PSTPIP1: variants seen among roughly 807,000 people sequenced by gnomAD.
PSTPIP1 encodes proline-serine-threonine phosphatase interacting protein 1.
PSTPIP1 carries 66 observed loss-of-function variants against 69.6 expected under a neutral mutation model. The ratio of observed to expected loss-of-function variants is 0.95; its 90% confidence interval spans 0.78 to 1.16. PSTPIP1 has a LOEUF of 1.16. Ranked by LOEUF, PSTPIP1 falls within the 50% of genes most tolerant of loss-of-function variation. PSTPIP1 has a pLI of 0.00. For synonymous variants in PSTPIP1, 266 were observed against 222.7 expected (o/e 1.19, Z -1.73); for missense variants, 603 against 557.4 (o/e 1.08, Z -0.82).
At position 77,035,508 on chromosome 15, in the gene PSTPIP1, G is replaced by T. The variant is rs1477089516; in HGVS notation, c.930G>T (p.Arg310Ser). 5 of 1,590,056 alleles carry T rather than the reference G, an allele frequency of 3.1e-6. No individual in the cohort carries two copies. Among genetic ancestry groups the T allele is most frequent in the African/African-American group, 2.7e-5 (2 of 74,302 alleles). The change falls in exon 13 of 15, where the codon AGG becomes AGT. Residue 310 changes from arginine (R) to serine (S), a missense_variant and splice_region_variant. Coordinates refer to ENST00000558012, the MANE Select transcript of PSTPIP1 (RefSeq NM_003978.5). ...CACCCTCTTTCCTCCCTGTTCCCAG[G>T]TTCTCTGGACTGCTGCACGGAAGTC... ...GIQPSCGMIK[R>S]FSGLLHGSPK...
At chr15:77,032,238 C>T (rs1012336443) in intron 10 of PSTPIP1, 60 bp from the exon 11 acceptor site, 39 of 1,545,738 alleles carry the variant, frequency 2.5e-5, no homozygotes, top group East Asian at 9.2e-5. Flanking sequence ...GGTCAGAGTT[C>T]AGGCCCACAG....
chr15:76,996,558 G>A (rs769000458), intron 1 of PSTPIP1, among the ~76,000 whole-genome samples: 1 of 152,202 alleles, frequency 6.6e-6, no homozygotes, highest in Non-Finnish European at 1.5e-5. Flanking sequence ...TGCCCTCCCC[G>A]GGCCTTTTCC....
In PSTPIP1 at chr15:77,035,938, G is replaced by A. The variant is rs1048661023; in HGVS notation, c.1119+3G>A. On this transcript the variant is annotated splice_donor_region_variant and intron_variant, in intron 14 of 14. Transcript: ENST00000558012. Reference sequence around the variant, plus strand: ...CGCTCTACGATTATACAGCGCAGGTGAGGCCTCTATACCCCAAACCCACCT... The same window carrying A: ...CGCTCTACGATTATACAGCGCAGGTAAGGCCTCTATACCCCAAACCCACCT... 8 of 1,595,166 alleles carry A rather than the reference G, an allele frequency of 5.0e-6. No individual in the cohort carries two copies. Among genetic ancestry groups the A allele is most frequent in the Non-Finnish European group, 6.0e-6 (7 of 1,173,350 alleles).
At chr15:77,019,142 C>T (rs1434892433) in intron 3 of PSTPIP1, among the ~76,000 whole-genome samples, 1 of 152,192 alleles carries the variant, frequency 6.6e-6, no homozygotes, top group African/African-American at 2.4e-5. Context: ...CGGGAGTCTC[C>T]AGCCCCACAG....
In PSTPIP1 at chr15:77,037,032, A is replaced by G. The variant is rs367882218; in HGVS notation, c.1120-13A>G. On this transcript the variant is annotated splice_polypyrimidine_tract_variant and intron_variant, in intron 14 of 14. Transcript: ENST00000558012. ...GCCCTTCCAACGTCATGCGCTTTCA[A>G]TCTCTTGGCCAGAACCCAGATGAGC... 9 of 1,611,112 alleles carry G rather than the reference A, an allele frequency of 5.6e-6. No homozygotes were observed. Among genetic ancestry groups the G allele is most frequent in the East Asian group, 2.2e-5 (1 of 44,810 alleles).
chr15:77,035,556 T>A lies in PSTPIP1; in HGVS notation c.978T>A (p.Ala326=). 6.3e-7 allele frequency: 1 copy of A among 1,583,430 alleles called. No individual in the cohort carries two copies. Among genetic ancestry groups the A allele is most frequent in the South Asian group, 1.1e-5 (1 of 87,002 alleles). ...GTCCCAAGACCACTTCGTTGGCAGCTTCTGCTGGTAAAGGGGGTCAGGAGG... is the reference window on the plus strand; with the variant it reads ...GTCCCAAGACCACTTCGTTGGCAGCATCTGCTGGTAAAGGGGGTCAGGAGG... ...HGSPKTTSLA[A]SAASTETLTP... The change falls in exon 13 of 15, where the codon GCT becomes GCA. Residue 326 remains alanine, a synonymous_variant. Transcript: ENST00000558012.
At position 76,996,024 on chromosome 15, in the gene PSTPIP1, C is replaced by A. The variant is rs116827184; in HGVS notation, c.36+415C>A. Among the ~76,000 whole-genome samples the A allele has an allele frequency of 2.9e-3, 438 of 152,326 alleles. 2 individuals carry two copies. The highest frequency in any genetic ancestry group is 0.01 in the African/African-American group (417 of 41,560). ...GTCATTTCTGTCTCCAAGCCTCAGT[C>A]TCTCCATCTATATAATGGTGATAAA... On this transcript the variant is annotated intron_variant, in intron 1 of 14. Transcript: ENST00000558012.
At chr15:77,016,945 CG>C (rs1394004947) in intron 1 of PSTPIP1, among the ~76,000 whole-genome samples, 1 of 152,058 alleles carries the variant, frequency 6.6e-6, no homozygotes, top group Non-Finnish European at 1.5e-5. Context: ...CTGGAGTGTG[CG>C]TGACCTTGGA....
At chr15:77,021,892 A>G (rs999594878) in intron 3 of PSTPIP1, among the ~76,000 whole-genome samples, 4 of 151,940 alleles carry the variant, frequency 2.6e-5, no homozygotes, top group Non-Finnish European at 4.4e-5. Flanking sequence ...CCACTCCCCT[A>G]TTGCTCATCC....
chr15:77,006,085 T>C (rs1596054833), intron 1 of PSTPIP1, among the ~76,000 whole-genome samples: 1 of 152,230 alleles, frequency 6.6e-6, no homozygotes, highest in Non-Finnish European at 1.5e-5. Context: ...CCATCAGCAA[T>C]GCAAAAGGGA....
At chr15:77,007,452 A>G (rs921374291) in intron 1 of PSTPIP1, among the ~76,000 whole-genome samples, 4 of 152,172 alleles carry the variant, frequency 2.6e-5, no homozygotes, top group Non-Finnish European at 5.9e-5. Context: ...TACAAAAAAT[A>G]CAAAAATTAG....
intron 9 of PSTPIP1, 46 bp from the exon 10 acceptor site, chr15:77,031,134 C>T: frequency 1.3e-6 from 2 of 1,568,906 alleles, no homozygotes; most frequent in African/African-American, 1.3e-5. Context: ...CTGGCCGGGC[C>T]CTGCAGCCGC....
At chr15:77,030,391 T>C (rs1020366618) in intron 8 of PSTPIP1, 111 bp from the exon 9 acceptor site, 1 of 1,114,922 alleles carries the variant, frequency 9.0e-7, no homozygotes, top group Non-Finnish European at 1.3e-6. Flanking sequence ...GCAGGTCCCA[T>C]GGGGGAGGCG....
chr15:76,997,678 C>T (rs146035496), intron 1 of PSTPIP1, among the ~76,000 whole-genome samples: 1 of 152,194 alleles, frequency 6.6e-6, no homozygotes, highest in African/African-American at 2.4e-5. Context: ...TCTGACATAT[C>T]ACTGGATCTT....
At position 77,030,466 on chromosome 15, in the gene PSTPIP1, T is replaced by C. The variant is rs758856672; in HGVS notation, c.563-36T>C. 6 of 1,599,642 alleles carry C rather than the reference T, an allele frequency of 3.8e-6. No individual in the cohort carries two copies. The East Asian group carries it at 1.3e-4, about 36-fold the overall frequency. ...TGGAGTACAGGGGTGGAGGAGCTCG[T>C]GTCAGGGCCCTCCCTGAGGCTGCCT... On this transcript the variant is annotated intron_variant, in intron 8 of 14. Coordinates refer to ENST00000558012, the MANE Select transcript of PSTPIP1 (RefSeq NM_003978.5).
chr15:77,036,070 G>C (rs1270653893), intron 14 of PSTPIP1, 135 bp downstream of exon 14: 2 of 1,238,672 alleles, frequency 1.6e-6, no homozygotes, highest in East Asian at 2.6e-5. Flanking sequence ...CTCCTCAGGA[G>C]GGCACGTGTG....
chr15:76,994,831 A>T (rs1211827566), upstream of PSTPIP1: 2 of 1,289,054 alleles, frequency 1.6e-6, no homozygotes, highest in Non-Finnish European at 2.0e-6. Flanking sequence ...CCCCTCCAGA[A>T]TGACTTGCTA....
At chr15:77,030,245 G>A (rs749041160) in intron 8 of PSTPIP1, among the ~76,000 whole-genome samples, 3 of 152,236 alleles carry the variant, frequency 2.0e-5, no homozygotes, top group Non-Finnish European at 4.4e-5. Flanking sequence ...GATGCCCAGA[G>A]GCCAATACTC....
intron 1 of PSTPIP1, among the ~76,000 whole-genome samples, chr15:77,000,570 A>G (rs556692485): frequency 3.9e-5 from 6 of 152,254 alleles, no homozygotes; most frequent in African/African-American, 1.2e-4. Flanking sequence ...AAGTGGGGAA[A>G]TGGAGAAAAA....
Sources: allele counts gnomAD v4.1 joint callset (sites outside exome capture counted in the v4.1 genomes callset), GRCh38; gene constraint gnomAD v4.1.1; transcripts MANE v1.5; gene names NCBI Gene and HGNC (gene_info 2026-07-23, HGNC 2026-07-21).